Variants in BEGAIN observed in about 807,000 individuals in gnomAD.
The protein encoded by BEGAIN is brain enriched guanylate kinase associated, also known as brain-enriched guanylate kinase-associated protein.
In BEGAIN, 19 loss-of-function variants were observed where a neutral mutation model predicts 35.8. That is an observed-to-expected ratio of 0.53 (90% CI 0.37 to 0.78). The LOEUF is 0.78. Among genes scored for constraint, BEGAIN ranks in the 30% least tolerant of loss-of-function variants. The probability of loss-of-function intolerance (pLI) is 0.00; values close to 1 mark genes in which losing one functional copy is unlikely to be tolerated. For missense variants in BEGAIN, 795 were observed against 853.6 expected, an observed-to-expected ratio of 0.93 and a Z score of 0.85; for synonymous variants, 462 against 388.6, an observed-to-expected ratio of 1.19 and a Z score of -2.22.
At position 100,538,113 on chromosome 14, in the gene BEGAIN, C is replaced by A; in HGVS notation, c.1695G>T (p.Glu565Asp). Reference sequence around the variant, plus strand: ...CCGGGGAGGCCTCCATGGAGCTCGGCTCCAAGGAGTCCCTGGAACCCTGCT... The same window carrying A: ...CCGGGGAGGCCTCCATGGAGCTCGGATCCAAGGAGTCCCTGGAACCCTGCT... The part of the protein sequence containing the change: ...EPEQGSRDSL[E>D]PSSMEASPEM... Residue 565 changes from glutamate to aspartate, a missense_variant, in exon 7 of 7, where the codon GAG becomes GAT. By Grantham distance (45) the Glu-to-Asp change is conservative. Coordinates refer to ENST00000554140, the MANE Select transcript of BEGAIN (RefSeq NM_001385089.1). The A allele has an allele frequency of 6.4e-7, 1 of 1,565,890 alleles. No homozygotes were observed. The highest frequency in any genetic ancestry group is 8.6e-7 in the Non-Finnish European group (1 of 1,157,818).
chr14:100,582,103 C>A (rs1354633595), intron 1 of BEGAIN, among the ~76,000 whole-genome samples: 1 of 152,210 alleles, frequency 6.6e-6, no homozygotes, highest in Non-Finnish European at 1.5e-5. Flanking sequence ...CACCAACCTT[C>A]CCCTCGTCCC....
At position 100,563,453 on chromosome 14, in the gene BEGAIN, G is replaced by A. The variant is rs1234358141; in HGVS notation, c.71+4458C>T. ...AGAAGGACCGTGTGAACAGCGAGACGCGGCGTCCCCCAGGAGGTGTGGCTG... is the reference window on the plus strand; with the variant it reads ...AGAAGGACCGTGTGAACAGCGAGACACGGCGTCCCCCAGGAGGTGTGGCTG... On this transcript the variant is annotated intron_variant, in intron 2 of 6. Coordinates refer to ENST00000554140, the MANE Select transcript of BEGAIN (RefSeq NM_001385089.1). This position sits in a 1 kb window ranked among gnomAD's most constrained non-coding sequence, Gnocchi z 4.2. 2.6e-5 allele frequency among the ~76,000 whole-genome samples: 4 copies of A among 152,236 alleles called. No homozygotes were observed. The highest frequency in any genetic ancestry group is 4.8e-5 in the African/African-American group (2 of 41,468).
intron 2 of BEGAIN, among the ~76,000 whole-genome samples, chr14:100,556,728 G>A (rs2033762431): frequency 6.6e-6 from 1 of 152,304 alleles, no homozygotes; most frequent in Admixed American, 6.5e-5. Context: ...GGAGGTGCCC[G>A]AGGAGAGCCC....
At chr14:100,582,292 G>C (rs1459128143) in intron 1 of BEGAIN, among the ~76,000 whole-genome samples, 1 of 152,068 alleles carries the variant, frequency 6.6e-6, no homozygotes, top group African/African-American at 2.4e-5. Flanking sequence ...TTACAGGCAC[G>C]CACCACCATG....
rs1478258984 is a variant in BEGAIN at position 100,539,158 on chromosome 14, C to G, written c.650G>C (p.Arg217Pro). Residue 217 changes from arginine to proline, a missense_variant, in exon 7 of 7, where the codon CGC becomes CCC. Physicochemically the swap from Arg to Pro is moderately radical, Grantham distance 103. This residue lies in a region of BEGAIN where 664 missense variants were observed against 647.7 expected (regional missense o/e 1.03). Transcript: ENST00000554140. ...GTCGCGGGCGGAGGCATCGGACAGGCGGGAGGACAGGCTGGCGGGGTCCGG... is the reference window on the plus strand; with the variant it reads ...GTCGCGGGCGGAGGCATCGGACAGGGGGGAGGACAGGCTGGCGGGGTCCGG... ...EKPDPASLSS[R>P]LSDASARDLA... 2 of 1,595,862 alleles carry G rather than the reference C, an allele frequency of 1.3e-6. No individual in the cohort carries two copies. Among genetic ancestry groups the G allele is most frequent in the Non-Finnish European group, 1.7e-6 (2 of 1,168,878 alleles).
chr14:100,538,620 G>T lies in BEGAIN; in HGVS notation c.1188C>A (p.Ala396=), dbSNP rs542292676. 6.5e-7 allele frequency: 1 copy of T among 1,548,694 alleles called. No individual in the cohort carries two copies. Among genetic ancestry groups the T allele is most frequent in the East Asian group, 2.4e-5 (1 of 41,250 alleles). Residue 396 remains alanine (A), a synonymous_variant, in exon 7 of 7, where the codon GCC becomes GCA. Coordinates refer to ENST00000554140, the MANE Select transcript of BEGAIN (RefSeq NM_001385089.1). ...GFGRTMSPYP[A]ETFRFPASPG... The stretch of plus-strand genomic sequence containing the variant: ...GAGAGGCCGGGAAGCGGAAGGTCTC[G>T]GCCGGGTACGGTGACATGGTCCGCC...
At chr14:100,540,144 C>T (rs369638700) in intron 6 of BEGAIN, 5 of 262,230 alleles carry the variant, frequency 1.9e-5, no homozygotes, top group African/African-American at 8.8e-5. Flanking sequence ...TGCCGGTCAT[C>T]GTGCCCAGCC....
chr14:100,546,780 G>GCACACA lies in BEGAIN; in HGVS notation c.72-124_72-119dup, dbSNP rs879183769. 701 of 343,746 alleles carry GCACACA rather than the reference G, an allele frequency of 2.0e-3. 1 individual carries two copies. The highest frequency in any genetic ancestry group is 2.2e-3 in the Admixed American group (35 of 15,796). The allele number at this position is 343,746 out of a possible 1,614,324, so 21.3% of individuals were successfully genotyped here. ...CGAGTACCGGCGCGCGCGCGCGCGC[G>GCACACA]CACACACACACACACACACACACAC... On this transcript the variant is annotated intron_variant, in intron 2 of 6. Transcript: ENST00000554140.
chr14:100,545,223 C>T (rs1166899779), intron 3 of BEGAIN, 157 bp from the exon 4 acceptor site: 3 of 1,465,824 alleles, frequency 2.0e-6, no homozygotes, highest in Non-Finnish European at 2.7e-6. Context: ...CCTCTGCACA[C>T]AGCAGAGAAC....
chr14:100,560,172 G>C (rs181896576), intron 2 of BEGAIN, among the ~76,000 whole-genome samples: 1 of 152,332 alleles, frequency 6.6e-6, no homozygotes, highest in Non-Finnish European at 1.5e-5. Flanking sequence ...TGGCACTCAA[G>C]CTCTCAGAGC....
At position 100,586,288 on chromosome 14, in the gene BEGAIN, G is replaced by A. The variant is rs1480415117; in HGVS notation, c.42+961C>T. Among the ~76,000 whole-genome samples the A allele has an allele frequency of 6.6e-6, 1 of 152,230 alleles. No homozygotes were observed. The highest frequency in any genetic ancestry group is 1.5e-5 in the Non-Finnish European group (1 of 68,042). On this transcript the variant is annotated intron_variant, in intron 1 of 6. Transcript: ENST00000554140. This position sits in a 1 kb window ranked among gnomAD's most constrained non-coding sequence, Gnocchi z 4.9. ...CCAGAGCACTGGGGCCTCCGACGGAGCCTGGCTGTGGAGACCCCGCCCCAC... is the reference window on the plus strand; with the variant it reads ...CCAGAGCACTGGGGCCTCCGACGGAACCTGGCTGTGGAGACCCCGCCCCAC...
In BEGAIN at chr14:100,546,655, G is replaced by T; in HGVS notation, c.79C>A (p.Gln27Lys). The T allele has an allele frequency of 6.4e-7, 1 of 1,564,726 alleles. No homozygotes were observed. The highest frequency in any genetic ancestry group is 8.6e-7 in the Non-Finnish European group (1 of 1,161,062). The change falls in exon 3 of 7, where the codon CAG (glutamine) becomes AAG (lysine). Residue 27 changes from glutamine (Q) to lysine (K), a missense_variant. By Grantham distance (53) the Gln-to-Lys change is moderately conservative (BLOSUM62 1). This residue lies in a region of BEGAIN where 58 missense variants were observed against 62.7 expected (regional missense o/e 0.92). Coordinates refer to ENST00000554140, the MANE Select transcript of BEGAIN (RefSeq NM_001385089.1). ...AADMEKLSAL[Q>K]EQKGELRKRL... ...TTGCGCAGCTCGCCCTTCTGCTCCT[G>T]CAGCGCGCTGCAACGACATGGCGGC...
Position 100,567,895 on chromosome 14 carries a change from G to C in BEGAIN, c.71+16C>G. The C allele has an allele frequency of 6.8e-7, 1 of 1,467,742 alleles. No homozygotes were observed. The highest frequency in any genetic ancestry group is 9.1e-7 in the Non-Finnish European group (1 of 1,100,968). The allele number at this position is 1,467,742 out of a possible 1,614,324, so 90.9% of individuals were successfully genotyped here. A position where few individuals can be genotyped will look rare whatever the true frequency, so the allele number is the denominator to read the frequency against. ...CCGGCCCCCGCGAGCCGCGGCACGG[G>C]AGACGCTCCACTCACCTGAGTTTCT... On this transcript the variant is annotated intron_variant, in intron 2 of 6. Coordinates refer to ENST00000554140, the MANE Select transcript of BEGAIN (RefSeq NM_001385089.1). The surrounding 1 kb of genome is among the most constrained non-coding windows in gnomAD (Gnocchi z 5.1).
intron 1 of BEGAIN, among the ~76,000 whole-genome samples, chr14:100,572,607 CA>C (rs1209528330): frequency 2.0e-5 from 3 of 152,198 alleles, no homozygotes; most frequent in Admixed American, 6.5e-5. Flanking sequence ...ATGAGCCTAA[CA>C]TGTGGAGGGC....
chr14:100,552,623 G>A (rs1021683542), intron 2 of BEGAIN, among the ~76,000 whole-genome samples: 5 of 152,224 alleles, frequency 3.3e-5, no homozygotes, highest in Admixed American at 6.5e-5. Context: ...GAGGCCTGCC[G>A]AAGTGTTTTG....
chr14:100,543,978 C>G lies in BEGAIN; in HGVS notation c.301-13G>C, dbSNP rs202019599. On this transcript the variant is annotated splice_polypyrimidine_tract_variant and intron_variant, in intron 4 of 6. Coordinates refer to ENST00000554140, the MANE Select transcript of BEGAIN (RefSeq NM_001385089.1). The stretch of plus-strand genomic sequence containing the variant: ...CATAGTGCTGGCCCTGGGGGTGGGA[C>G]AGTGGGAGGAGGAGGCCCGTGGTTG... 6 of 1,596,364 alleles carry G rather than the reference C, an allele frequency of 3.8e-6. No homozygotes were observed. The African/African-American group carries it at 4.0e-5, about 11-fold the overall frequency.
At position 100,558,392 on chromosome 14, in the gene BEGAIN, C is replaced by T. The variant is rs1381104102; in HGVS notation, c.71+9519G>A. 6.6e-6 allele frequency among the ~76,000 whole-genome samples: 1 copy of T among 152,196 alleles called. No individual in the cohort carries two copies. Among genetic ancestry groups the T allele is most frequent in the African/African-American group, 2.4e-5 (1 of 41,446 alleles). On this transcript the variant is annotated intron_variant, in intron 2 of 6. Coordinates refer to ENST00000554140, the MANE Select transcript of BEGAIN (RefSeq NM_001385089.1). The surrounding 1 kb of genome is among the most constrained non-coding windows in gnomAD (Gnocchi z 4.6). ...ACCCTCACTGCGCTCTCCGGCTGCC[C>T]CTTCTCAGGCTCCTCTGTGGGGTGC...
chr14:100,554,819 T>C (rs1013639007), intron 2 of BEGAIN, among the ~76,000 whole-genome samples: 1 of 152,122 alleles, frequency 6.6e-6, no homozygotes, highest in East Asian at 1.9e-4. Flanking sequence ...AAAAGGCCAG[T>C]TCCTCACCCC....
chr14:100,541,282 G>A (rs2031571547), intron 5 of BEGAIN, among the ~76,000 whole-genome samples: 1 of 152,240 alleles, frequency 6.6e-6, no homozygotes, highest in African/African-American at 2.4e-5. Flanking sequence ...TCCCCACTGC[G>A]AGGGCTCTGA....
Sources: allele counts gnomAD v4.1 joint callset (sites outside exome capture counted in the v4.1 genomes callset), GRCh38; gene constraint gnomAD v4.1.1; regional missense constraint gnomAD v4.1.1; non-coding constraint Gnocchi (gnomAD v3.1); transcripts MANE v1.5; gene names NCBI Gene and HGNC (gene_info 2026-07-23, HGNC 2026-07-21).